The following GRID1 variants were observed in gnomAD, a reference collection of about 807,000 sequenced individuals.
GRID1 encodes glutamate receptor ionotropic, delta-1.
GRID1 carries 28 observed loss-of-function variants against 98.0 expected under a neutral mutation model. That is an observed-to-expected ratio of 0.29 (90% CI 0.21 to 0.39). The LOEUF is 0.39. GRID1 is among the 10% of genes least tolerant of loss of function. The probability of loss-of-function intolerance (pLI) is 1.00; values close to 1 mark genes in which losing one functional copy is unlikely to be tolerated. For synonymous variants in GRID1, 553 were observed against 538.5 expected (o/e 1.03, Z -0.37); for missense variants, 1,111 against 1,340.5 (o/e 0.83, Z 2.67).
intron 8 of GRID1, among the ~76,000 whole-genome samples, chr10:85,810,488 G>A (rs1004581617): frequency 2.0e-5 from 3 of 152,182 alleles, no homozygotes; most frequent in African/African-American, 7.2e-5. Context: ...TGGAGAAACA[G>A]TCTAGCAGAC....
intron 4 of GRID1, among the ~76,000 whole-genome samples, chr10:86,116,395 G>C (rs1185454340): frequency 2.0e-5 from 3 of 152,122 alleles, no homozygotes; most frequent in Non-Finnish European, 4.4e-5. Context: ...CAGCAACAAG[G>C]CTGCTCTCTC....
intron 13 of GRID1, among the ~76,000 whole-genome samples, chr10:85,642,938 A>G (rs1207038074): frequency 6.6e-6 from 1 of 152,154 alleles, no homozygotes; most frequent in Non-Finnish European, 1.5e-5. Flanking sequence ...AATGATGTGT[A>G]TTGGCATGAA....
At position 86,366,675 on chromosome 10, in the gene GRID1, G is replaced by A. The variant is rs1422144209; in HGVS notation, c.-283C>T. ...GCGGCGGGGGCGGCCCGCGGCTGTG[G>A]CAGCGGCGCTTCCCGCGGCTAGAGC... is the stretch of plus-strand genomic sequence containing the variant. On this transcript the variant is annotated 5_prime_UTR_variant, in exon 1 of 16. Transcript: ENST00000327946. This position sits in a 1 kb window ranked among gnomAD's most constrained non-coding sequence, Gnocchi z 4.1. Among the ~76,000 whole-genome samples the A allele has an allele frequency of 6.7e-6, 1 of 149,286 alleles. No homozygotes were observed.
chr10:85,958,969 A>AAG (rs1842229827), intron 4 of GRID1, among the ~76,000 whole-genome samples: 1 of 151,062 alleles, frequency 6.6e-6, no homozygotes, highest in Admixed American at 6.6e-5. Context: ...AAAAAAAAAA[A>AAG]AAAGAAAGAA....
intron 4 of GRID1, among the ~76,000 whole-genome samples, chr10:86,104,644 A>G (rs1844353317): frequency 6.6e-6 from 1 of 152,218 alleles, no homozygotes; most frequent in African/African-American, 2.4e-5. Flanking sequence ...CTGAATGCCC[A>G]GAGTCATTCC....
At chr10:86,054,040 T>C (rs1843540433) in intron 4 of GRID1, among the ~76,000 whole-genome samples, 1 of 152,158 alleles carries the variant, frequency 6.6e-6, no homozygotes, top group Non-Finnish European at 1.5e-5. Context: ...ACACAAATAC[T>C]ATGCCATGAA....
intron 2 of GRID1, among the ~76,000 whole-genome samples, chr10:86,304,574 G>A (rs1847733747): frequency 6.6e-6 from 1 of 152,192 alleles, no homozygotes; most frequent in African/African-American, 2.4e-5. Context: ...TGCTGACAGA[G>A]GCCCCCAAAG....
At position 86,068,145 on chromosome 10, in the gene GRID1, G is replaced by A. The variant is rs562632329; in HGVS notation, c.726+70674C>T. 3.9e-5 allele frequency among the ~76,000 whole-genome samples: 6 copies of A among 152,318 alleles called. No homozygotes were observed. In the East Asian group the frequency reaches 1.2e-3, roughly 29 times the overall value. ...GAAAACGTCGCCATTTACAGATAAG[G>A]AAACTGAGGCTCGGAATGGGACAGT... On this transcript the variant is annotated intron_variant, in intron 4 of 15. Coordinates refer to ENST00000327946, the MANE Select transcript of GRID1 (RefSeq NM_017551.3).
intron 4 of GRID1, among the ~76,000 whole-genome samples, chr10:85,962,694 G>A (rs1842285740): frequency 6.6e-6 from 1 of 152,210 alleles, no homozygotes; most frequent in Non-Finnish European, 1.5e-5. Context: ...AAAGCACTGA[G>A]CAGGGCTATG....
chr10:85,867,706 G>A (rs768475447), intron 6 of GRID1, among the ~76,000 whole-genome samples: 1 of 152,216 alleles, frequency 6.6e-6, no homozygotes, highest in Admixed American at 6.5e-5. Context: ...GAGTGATGCG[G>A]GGGCCTTGGG....
At chr10:86,345,044 C>T (rs114310137) in intron 2 of GRID1, among the ~76,000 whole-genome samples, 1,653 of 152,260 alleles carry the variant, frequency 0.011, 32 homozygotes, top group African/African-American at 0.037. Flanking sequence ...GCCCCAGTGG[C>T]CCACGGCAGT....
Position 85,856,025 on chromosome 10 carries a change from G to A in GRID1, c.1113+4C>T, listed in dbSNP as rs111458036. The stretch of plus-strand genomic sequence containing the variant: ...CCAGGTTGGGGGTGCCCCCTCACAC[G>A]TACCTTTTTGATGGTATCCAGCATG... On this transcript the variant is annotated splice_donor_region_variant and intron_variant, in intron 7 of 15. Transcript: ENST00000327946. The A allele has an allele frequency of 9.7e-5, 157 of 1,613,114 alleles. 2 individuals are homozygous for A. The highest frequency in any genetic ancestry group is 1.6e-4 in the African/African-American group (12 of 75,038).
At chr10:86,240,143 A>G (rs1846603988) in intron 2 of GRID1, among the ~76,000 whole-genome samples, 1 of 152,224 alleles carries the variant, frequency 6.6e-6, no homozygotes, top group Non-Finnish European at 1.5e-5. Flanking sequence ...TTTGAAGCCC[A>G]CCAGCCTGAG....
At chr10:85,908,749 A>C (rs1481451283) in intron 5 of GRID1, among the ~76,000 whole-genome samples, 1 of 152,230 alleles carries the variant, frequency 6.6e-6, no homozygotes, top group East Asian at 1.9e-4. Context: ...AATGAAGAAC[A>C]AGGCAGGAGC....
At chr10:85,919,229 C>T (rs758132875) in intron 4 of GRID1, among the ~76,000 whole-genome samples, 3 of 152,146 alleles carry the variant, frequency 2.0e-5, no homozygotes, top group Non-Finnish European at 2.9e-5. Context: ...CCTTGGCCAC[C>T]CTAAGAAGTA....
chr10:85,771,985 A>C (rs1457892250), intron 8 of GRID1, among the ~76,000 whole-genome samples: 1 of 152,210 alleles, frequency 6.6e-6, no homozygotes, highest in Non-Finnish European at 1.5e-5. Flanking sequence ...ATAGACATCT[A>C]CAGAACTCTC....
intron 4 of GRID1, among the ~76,000 whole-genome samples, chr10:85,969,164 A>G (rs900141438): frequency 2.6e-5 from 4 of 152,210 alleles, no homozygotes; most frequent in Non-Finnish European, 2.9e-5. Flanking sequence ...ATGTTCATCT[A>G]ACAATAGCAC....
At chr10:85,821,384 G>T (rs1409249171) in intron 8 of GRID1, among the ~76,000 whole-genome samples, 1 of 151,414 alleles carries the variant, frequency 6.6e-6, no homozygotes, top group African/African-American at 2.4e-5. Context: ...GGGCATGGTG[G>T]CAGGTGCGTG....
rs549853317 is a variant in GRID1, at chr10:86,365,563, C to T, written c.79+751G>A. Among the ~76,000 whole-genome samples, 4 of 146,756 alleles carry T rather than the reference C, an allele frequency of 2.7e-5. No individual in the cohort carries two copies. The highest frequency in any genetic ancestry group is 1.0e-4 in the African/African-American group (4 of 39,560). Reference sequence around the variant, plus strand: ...GCATCCCCCTACCCCCCGCTGCCCACGCTTCTTCCCTCGGCTCCCACCACC... The same window carrying T: ...GCATCCCCCTACCCCCCGCTGCCCATGCTTCTTCCCTCGGCTCCCACCACC... On this transcript the variant is annotated intron_variant, in intron 1 of 15. Coordinates refer to ENST00000327946, the MANE Select transcript of GRID1 (RefSeq NM_017551.3). The surrounding 1 kb of genome is among the most constrained non-coding windows in gnomAD (Gnocchi z 4.8).
Sources: gnomAD v4.1 joint callset for allele counts (sites outside exome capture counted in the v4.1 genomes callset) on GRCh38, gnomAD v4.1.1 for gene constraint, Gnocchi (gnomAD v3.1) non-coding constraint, MANE v1.5 for transcripts, NCBI Gene and HGNC (gene_info 2026-07-23, HGNC 2026-07-21) for gene names.